Variants in NTRK2 observed in about 807,000 individuals in gnomAD.
NTRK2 encodes neurotrophic receptor tyrosine kinase 2, also known as BDNF/NT-3 growth factors receptor.
Under a neutral mutation model 94.5 loss-of-function variants are expected in NTRK2, and 13 were observed. The ratio of observed to expected loss-of-function variants is 0.14; its 90% CI spans 0.09 to 0.22. The LOEUF is 0.22. Among genes scored for constraint, NTRK2 ranks in the 10% least tolerant of loss-of-function variants. The probability of loss-of-function intolerance (pLI) is 1.00; values close to 1 mark genes in which losing one functional copy is unlikely to be tolerated. For missense variants in NTRK2, 639 were observed against 1,071.2 expected, an observed-to-expected ratio of 0.60 and a Z score of 5.63; for synonymous variants, 372 against 407.4, an observed-to-expected ratio of 0.91 and a Z score of 1.05.
chr9:85,015,956 G>A (rs1210608898), intron 17 of NTRK2, among the ~76,000 whole-genome samples: 1 of 152,178 alleles, frequency 6.6e-6, no homozygotes, highest in Non-Finnish European at 1.5e-5. Context: ...GGTTTGGTAT[G>A]TGGCTTTAGG....
rs1213851566 is a variant in NTRK2 at position 84,756,907 on chromosome 9, G to A, written c.1396+4822G>A. The stretch of plus-strand genomic sequence containing the variant: ...CTGCTCTTATAAATGATCTCTGAGT[G>A]TCTTTCAATAGCAACCAAAAATCTG... On this transcript the variant is annotated intron_variant, in intron 12 of 18. Coordinates refer to ENST00000277120, the MANE Select transcript of NTRK2 (RefSeq NM_006180.6). Among the ~76,000 whole-genome samples, 3 of 152,200 alleles carry A rather than the reference G, an allele frequency of 2.0e-5. No homozygotes were observed. The East Asian group carries it at 5.8e-4, about 29-fold the overall frequency.
At chr9:84,724,072 A>G (rs2062267561) in intron 7 of NTRK2, 152 bp from the exon 8 acceptor site, 3 of 792,562 alleles carry the variant, frequency 3.8e-6, no homozygotes, top group Admixed American at 4.7e-5. Context: ...ATAACTTCTG[A>G]TTTACTTCTT....
intron 12 of NTRK2, among the ~76,000 whole-genome samples, chr9:84,835,620 C>T (rs1241798598): frequency 6.6e-6 from 1 of 152,174 alleles, no homozygotes; most frequent in African/African-American, 2.4e-5. Context: ...CTGCCCCTCC[C>T]CCCTTCTTTG....
chr9:84,769,710 C>T (rs1324547549), intron 12 of NTRK2, among the ~76,000 whole-genome samples: 1 of 152,200 alleles, frequency 6.6e-6, no homozygotes, highest in Non-Finnish European at 1.5e-5. Context: ...CTGTGCCCTC[C>T]ATTAGGGACC....
intron 14 of NTRK2, among the ~76,000 whole-genome samples, chr9:84,903,462 C>T (rs1196562045): frequency 3.3e-5 from 5 of 152,186 alleles, no homozygotes; most frequent in Admixed American, 3.3e-4. Flanking sequence ...TTCCATCTTT[C>T]CCAATCTCCA....
At chr9:84,705,782 C>CT (rs36124860) in intron 4 of NTRK2, among the ~76,000 whole-genome samples, 47,233 of 109,634 alleles carry the variant, frequency 0.43, 10,118 homozygotes, top group East Asian at 0.58. Flanking sequence ...GAAACCCATT[C>CT]TTTTTTTTTT....
At chr9:84,963,607 C>T (rs1186027481) in intron 17 of NTRK2, among the ~76,000 whole-genome samples, 2 of 152,124 alleles carry the variant, frequency 1.3e-5, no homozygotes, top group Non-Finnish European at 2.9e-5. Flanking sequence ...TGCTTGGACT[C>T]ACTGGATTTC....
At chr9:84,843,926 A>C (rs2074324535) in intron 12 of NTRK2, among the ~76,000 whole-genome samples, 1 of 152,170 alleles carries the variant, frequency 6.6e-6, no homozygotes, top group South Asian at 2.1e-4. Flanking sequence ...TTGAGGGAAA[A>C]GGATTTTAAG....
intron 14 of NTRK2, among the ~76,000 whole-genome samples, chr9:84,898,568 C>A (rs1012127215): frequency 1.3e-5 from 2 of 151,540 alleles, no homozygotes; most frequent in Non-Finnish European, 2.9e-5. Flanking sequence ...TGTCATGACT[C>A]CATTCAACAT....
intron 14 of NTRK2, chr9:84,875,746 C>G: frequency 9.5e-7 from 1 of 1,052,286 alleles, no homozygotes; most frequent in East Asian, 5.4e-5. Flanking sequence ...CAGTGATCCC[C>G]GGATCTTTCA....
chr9:84,741,859 A>G, intron 9 of NTRK2, 33 bp from the exon 10 acceptor site: 3 of 1,603,250 alleles, frequency 1.9e-6, no homozygotes, highest in Non-Finnish European at 2.6e-6. Flanking sequence ...CAAAATGCAT[A>G]CTTACAAATC....
intron 12 of NTRK2, among the ~76,000 whole-genome samples, chr9:84,837,791 A>C (rs1344270439): frequency 3.3e-5 from 5 of 152,214 alleles, no homozygotes. Context: ...TTGGTAGACT[A>C]AGAATAGAAG....
At chr9:84,782,227 T>C (rs2067659042) in intron 12 of NTRK2, among the ~76,000 whole-genome samples, 1 of 152,214 alleles carries the variant, frequency 6.6e-6, no homozygotes, top group African/African-American at 2.4e-5. Flanking sequence ...GCATGTGAGC[T>C]TGCCAGGACT....
At chr9:84,922,071 T>C (rs927398469) in intron 14 of NTRK2, among the ~76,000 whole-genome samples, 3 of 152,172 alleles carry the variant, frequency 2.0e-5, no homozygotes, top group African/African-American at 7.2e-5. Context: ...AGATATGACT[T>C]AGTGATAAAT....
chr9:84,760,997 A>T (rs1188362647), intron 12 of NTRK2, among the ~76,000 whole-genome samples: 1 of 152,198 alleles, frequency 6.6e-6, no homozygotes, highest in Non-Finnish European at 1.5e-5. Context: ...TATTATTATA[A>T]CCACAGACCC....
intron 12 of NTRK2, among the ~76,000 whole-genome samples, chr9:84,799,806 T>C (rs1044344335): frequency 5.9e-5 from 9 of 152,094 alleles, no homozygotes; most frequent in African/African-American, 2.2e-4. Context: ...AAATTAGGCT[T>C]AAAGAACAAG....
chr9:84,976,301 G>T (rs1272054733), intron 17 of NTRK2, among the ~76,000 whole-genome samples: 1 of 152,170 alleles, frequency 6.6e-6, no homozygotes, highest in East Asian at 1.9e-4. Context: ...GGCAGAGAGA[G>T]CTCTGTTGTC....
At chr9:84,820,588 C>G (rs2072743656) in intron 12 of NTRK2, among the ~76,000 whole-genome samples, 1 of 152,100 alleles carries the variant, frequency 6.6e-6, no homozygotes, top group African/African-American at 2.4e-5. Flanking sequence ...TTAATTTTTT[C>G]AATATTTCTA....
chr9:84,730,400 G>C (rs2062754612), intron 9 of NTRK2, among the ~76,000 whole-genome samples: 1 of 152,060 alleles, frequency 6.6e-6, no homozygotes, highest in Non-Finnish European at 1.5e-5. Flanking sequence ...CACAGACAAT[G>C]ACCTTTCTTA....
Sources: gnomAD v4.1 joint callset for allele counts (sites outside exome capture counted in the v4.1 genomes callset) on GRCh38, gnomAD v4.1.1 for gene constraint, MANE v1.5 for transcripts, NCBI Gene and HGNC (gene_info 2026-07-23, HGNC 2026-07-21) for gene names.